The following GALNT9 variants were observed in gnomAD, a reference collection of about 807,000 sequenced individuals.
GALNT9 encodes the protein GalNAc transferase 9.
GALNT9 carries 47 observed loss-of-function variants against 63.1 expected under a neutral mutation model. The observed-to-expected ratio is 0.75, with a 90% CI of 0.59 to 0.95. GALNT9 has a LOEUF of 0.95. Among genes scored for constraint, GALNT9 ranks in the 40% least tolerant of loss-of-function variants. The pLI is 0.00. For missense variants in GALNT9, 829 were observed against 874.8 expected (o/e 0.95, Z 0.66); for synonymous variants, 396 against 365.7 (o/e 1.08, Z -0.94).
At chr12:132,295,680 G>A (rs931467181) in intron 1 of GALNT9, among the ~76,000 whole-genome samples, 1 of 152,244 alleles carries the variant, frequency 6.6e-6, no homozygotes, top group African/African-American at 2.4e-5. Flanking sequence ...AGACTATGGA[G>A]GGAGCGTGGC....
At chr12:132,231,077 C>T (rs1160512294) in intron 6 of GALNT9, among the ~76,000 whole-genome samples, 2 of 108,662 alleles carry the variant, frequency 1.8e-5, no homozygotes, top group African/African-American at 4.0e-5. Context: ...GCCACACACT[C>T]GATGGGGCGA....
At chr12:132,304,897 T>A (rs1454318394) in intron 1 of GALNT9, among the ~76,000 whole-genome samples, 1 of 36,598 alleles carries the variant, frequency 2.7e-5, no homozygotes, top group Non-Finnish European at 4.7e-5. Context: ...GGGCACACCC[T>A]CGCCCGGACA....
At chr12:132,269,514 G>A (rs1330004115) in intron 2 of GALNT9, among the ~76,000 whole-genome samples, 3 of 151,792 alleles carry the variant, frequency 2.0e-5, no homozygotes, top group Admixed American at 2.0e-4. Context: ...AGCCCGTGCC[G>A]GTCCCGAGCC....
intron 1 of GALNT9, among the ~76,000 whole-genome samples, chr12:132,308,019 G>A (rs1480770973): frequency 6.2e-5 from 9 of 144,882 alleles, no homozygotes; most frequent in East Asian, 2.1e-4. Context: ...CTGGGCAACA[G>A]AGTGAGACCC....
chr12:132,328,482 C>T (rs1035128111), intron 1 of GALNT9, among the ~76,000 whole-genome samples: 1 of 152,216 alleles, frequency 6.6e-6, no homozygotes, highest in Non-Finnish European at 1.5e-5. Context: ...ATTTGGGGTG[C>T]CTTCGAACCT....
At chr12:132,295,123 G>A (rs1881005730) in intron 1 of GALNT9, among the ~76,000 whole-genome samples, 1 of 152,238 alleles carries the variant, frequency 6.6e-6, no homozygotes, top group Non-Finnish European at 1.5e-5. Context: ...AGCGGCCGGT[G>A]CTGCCACAGC....
chr12:132,323,328 G>C (rs782516691), intron 1 of GALNT9, among the ~76,000 whole-genome samples: 1 of 152,238 alleles, frequency 6.6e-6, no homozygotes, highest in East Asian at 1.9e-4. Context: ...CTAGAAGCTC[G>C]GGCTGCTGCG....
chr12:132,268,099 G>A lies in GALNT9; in HGVS notation c.420-5474C>T, dbSNP rs543659443. On this transcript the variant is annotated intron_variant, in intron 2 of 10. Transcript: ENST00000328957. ...CAGTCACATGCACACAAACCCACAC[G>A]CGCACTCACACACACAAACCCACAC... is the stretch of plus-strand genomic sequence containing the variant. Among the ~76,000 whole-genome samples the A allele has an allele frequency of 4.9e-4, 65 of 132,166 alleles. No individual in the cohort carries two copies. In the East Asian group the frequency reaches 5.2e-3, roughly 11 times the overall value. The allele number at this position is 132,166 out of a possible 152,430, so 86.7% of individuals were successfully genotyped here. A position where few individuals can be genotyped will look rare whatever the true frequency, so the allele number is the denominator to read the frequency against.
intron 5 of GALNT9, among the ~76,000 whole-genome samples, chr12:132,250,323 C>T (rs571202420): frequency 6.6e-6 from 1 of 152,208 alleles, no homozygotes; most frequent in South Asian, 2.1e-4. Flanking sequence ...GGTGTGGGGT[C>T]CCCACGGGGA....
intron 5 of GALNT9, among the ~76,000 whole-genome samples, 193 bp downstream of exon 5, chr12:132,257,495 CT>C (rs1355076059): frequency 7.3e-3 from 80 of 10,900 alleles, no homozygotes; most frequent in Non-Finnish European, 0.031. Context: ...GGCCCTCGTC[CT>C]CATGCCCTCA....
At chr12:132,305,082 C>T (rs1881530934) in intron 1 of GALNT9, among the ~76,000 whole-genome samples, 1 of 85,194 alleles carries the variant, frequency 1.2e-5, no homozygotes, top group African/African-American at 6.1e-5. Context: ...CTCACCTGGG[C>T]ACACCCTCAC....
intron 5 of GALNT9, among the ~76,000 whole-genome samples, chr12:132,257,002 GGGCTTCAGCAGCTGTCCAGGT>G (rs1273725461): frequency 6.6e-6 from 1 of 152,178 alleles, no homozygotes; most frequent in African/African-American, 2.4e-5. Flanking sequence ...CTGGAACGGG[GGGCTTCAGCAGCTGTCCAGGT>G]GGTGGCTATG....
At position 132,328,869 on chromosome 12, in the gene GALNT9, A is replaced by C. The variant is rs1258108076; in HGVS notation, c.238+97T>G. Reference sequence around the variant, plus strand: ...TATATTCCCTCCCACAGGGGCGCAGAGGGGCGCGCACCCGAGGCCGGCCTG... The same window carrying C: ...TATATTCCCTCCCACAGGGGCGCAGCGGGGCGCGCACCCGAGGCCGGCCTG... On this transcript the variant is annotated intron_variant, in intron 1 of 10. Coordinates refer to ENST00000328957, the MANE Select transcript of GALNT9 (RefSeq NM_001122636.2). The C allele has an allele frequency of 3.0e-6, 4 of 1,332,446 alleles. No individual in the cohort carries two copies. In the Admixed American group the frequency reaches 9.4e-5, roughly 31 times the overall value. 82.5% of individuals were successfully genotyped at this position (1,332,446 alleles called of 1,614,324 possible). A position where few individuals can be genotyped will look rare whatever the true frequency, so the allele number is the denominator to read the frequency against.
At chr12:132,240,749 G>A (rs931959486) in intron 6 of GALNT9, 2 of 455,504 alleles carry the variant, frequency 4.4e-6, no homozygotes, top group South Asian at 1.5e-5. Context: ...ACCAGAACCT[G>A]ATCACCAGCA....
At chr12:132,266,879 G>T (rs1392877469) in intron 2 of GALNT9, among the ~76,000 whole-genome samples, 6 of 152,152 alleles carry the variant, frequency 3.9e-5, no homozygotes, top group African/African-American at 1.4e-4. Context: ...GGGGTCCTGA[G>T]CCTCTGTCAT....
intron 6 of GALNT9, among the ~76,000 whole-genome samples, chr12:132,207,479 C>G (rs576272832): frequency 6.6e-5 from 10 of 152,348 alleles, no homozygotes; most frequent in Non-Finnish European, 1.2e-4. Flanking sequence ...CGAGGCCTCC[C>G]CAAGCCAGCT....
chr12:132,304,381 A>ATG (rs1566019518), intron 1 of GALNT9, among the ~76,000 whole-genome samples: 2 of 70,224 alleles, frequency 2.8e-5, no homozygotes, highest in African/African-American at 1.0e-4. Flanking sequence ...ACCCGGGCAC[A>ATG]CCCTCACCGG....
intron 6 of GALNT9, among the ~76,000 whole-genome samples, chr12:132,217,588 TCATC>T (rs57858233): frequency 0.59 from 83,644 of 141,032 alleles, 24,576 homozygotes; most frequent in East Asian, 0.77. Context: ...CATCCCCCAC[TCATC>T]CATCCATCCA....
At chr12:132,243,412 C>T (rs1555237655) in intron 6 of GALNT9, among the ~76,000 whole-genome samples, 1 of 152,144 alleles carries the variant, frequency 6.6e-6, no homozygotes. Flanking sequence ...GTGGGGGCCC[C>T]AGTCCTCCTC....
Sources: gnomAD v4.1 joint callset for allele counts (sites outside exome capture counted in the v4.1 genomes callset) on GRCh38, gnomAD v4.1.1 for gene constraint, MANE v1.5 for transcripts, NCBI Gene and HGNC (gene_info 2026-07-23, HGNC 2026-07-21) for gene names.